Variants in IL1RAPL1 observed in about 807,000 individuals in gnomAD.
IL1RAPL1 encodes the protein interleukin 1 receptor accessory protein like 1.
In IL1RAPL1, 3 loss-of-function variants were observed where a neutral mutation model predicts 48.4. The ratio of observed to expected loss-of-function variants is 0.06; its 90% CI spans 0.03 to 0.16. The LOEUF is 0.16. Among genes scored for constraint, IL1RAPL1 ranks in the 10% least tolerant of loss-of-function variants. IL1RAPL1 has a pLI of 1.00. For missense variants in IL1RAPL1, 349 were observed against 530.6 expected (o/e 0.66, Z 3.36); for synonymous variants, 185 against 187.7 (o/e 0.99, Z 0.12).
At chrX:29,424,343 G>C (rs1453569964) in intron 5 of IL1RAPL1, among the ~76,000 whole-genome samples, 1 of 108,782 alleles carries the variant, frequency 9.2e-6, no homozygotes, top group African/African-American at 3.3e-5. Context: ...CAGATGTAGG[G>C]AAGTGGGATG....
At chrX:29,461,344 A>G (rs903343131) in intron 5 of IL1RAPL1, among the ~76,000 whole-genome samples, 1 of 112,008 alleles carries the variant, frequency 8.9e-6, no homozygotes. Flanking sequence ...ATGTAAATTG[A>G]TATAACCACT....
intron 6 of IL1RAPL1, among the ~76,000 whole-genome samples, chrX:29,692,727 T>C (rs1179694247): frequency 9.0e-6 from 1 of 111,607 alleles, no homozygotes; most frequent in Non-Finnish European, 1.9e-5. Flanking sequence ...TATTGTCTGT[T>C]TGGTTGCATG....
rs1216698358 is a variant in IL1RAPL1, at chrX:29,346,872, A to G, written c.363-49386A>G. On this transcript the variant is annotated intron_variant, in intron 3 of 10. Coordinates refer to ENST00000378993, the MANE Select transcript of IL1RAPL1 (RefSeq NM_014271.4). ...TATACACTTAATTGTCACATTTTTAATGAGAATAACAGCTTAAAATCAAGA... is the reference window on the plus strand; with the variant it reads ...TATACACTTAATTGTCACATTTTTAGTGAGAATAACAGCTTAAAATCAAGA... Among the ~76,000 whole-genome samples the G allele has an allele frequency of 2.7e-5, 3 of 112,248 alleles. No individual in the cohort carries two copies. The Admixed American group carries it at 2.8e-4, about 11-fold the overall frequency.
At chrX:28,774,603 G>T (rs768147344) in intron 1 of IL1RAPL1, among the ~76,000 whole-genome samples, 2 of 111,846 alleles carry the variant, frequency 1.8e-5, no homozygotes, top group Non-Finnish European at 3.8e-5. Flanking sequence ...GTGAGTAAAC[G>T]AGAAAATGTC....
At chrX:29,309,711 G>C (rs752726249) in intron 3 of IL1RAPL1, among the ~76,000 whole-genome samples, 1 of 109,882 alleles carries the variant, frequency 9.1e-6, no homozygotes, top group Admixed American at 9.7e-5. Context: ...CACTCGGGAG[G>C]CTTAGGCAGG....
At chrX:28,661,343 C>T (rs987176462) in intron 1 of IL1RAPL1, among the ~76,000 whole-genome samples, 10 of 111,521 alleles carry the variant, frequency 9.0e-5, no homozygotes, top group Non-Finnish European at 1.9e-4. Flanking sequence ...AAACGTCTAG[C>T]TAATCATATA....
intron 1 of IL1RAPL1, among the ~76,000 whole-genome samples, chrX:28,663,224 G>C (rs753065596): frequency 9.4e-6 from 1 of 106,459 alleles, no homozygotes; most frequent in South Asian, 3.9e-4. Context: ...CAGAATATTA[G>C]TTCCTCATAG....
chrX:29,074,894 G>C (rs1927637618), intron 2 of IL1RAPL1, among the ~76,000 whole-genome samples: 1 of 111,638 alleles, frequency 9.0e-6, no homozygotes, highest in South Asian at 3.7e-4. Flanking sequence ...CTCATTATTA[G>C]GTCTTAAACT....
intron 2 of IL1RAPL1, among the ~76,000 whole-genome samples, chrX:28,800,365 G>A (rs764167165): frequency 8.9e-6 from 1 of 111,956 alleles, no homozygotes; most frequent in African/African-American, 3.2e-5. Flanking sequence ...TATCTTTTGG[G>A]GGACCACTGT....
intron 1 of IL1RAPL1, among the ~76,000 whole-genome samples, chrX:28,714,108 C>T (rs1239116611): frequency 3.6e-5 from 4 of 111,836 alleles, no homozygotes; most frequent in South Asian, 3.7e-4. Context: ...TTTACAAATA[C>T]TTTACTAAGA....
intron 6 of IL1RAPL1, among the ~76,000 whole-genome samples, chrX:29,811,617 ACACT>A (rs1290516801): frequency 9.0e-6 from 1 of 111,114 alleles, no homozygotes; most frequent in Non-Finnish European, 1.9e-5. Flanking sequence ...AATCAAGTTG[ACACT>A]CAGTATTAAC....
At chrX:29,334,270 A>T (rs79468092) in intron 3 of IL1RAPL1, among the ~76,000 whole-genome samples, 1 of 39,619 alleles carries the variant, frequency 2.5e-5, no homozygotes, top group Non-Finnish European at 4.7e-5. Flanking sequence ...CCAGTAGGGG[A>T]GGCCGGGCAG....
intron 2 of IL1RAPL1, among the ~76,000 whole-genome samples, chrX:28,802,361 C>A (rs1936686255): frequency 8.9e-6 from 1 of 111,862 alleles, no homozygotes. Flanking sequence ...TGCAAGACAC[C>A]TTGCATGGGA....
At chrX:29,416,487 A>C (rs936286743) in intron 5 of IL1RAPL1, among the ~76,000 whole-genome samples, 13 of 111,125 alleles carry the variant, frequency 1.2e-4, no homozygotes, top group African/African-American at 4.3e-4. Flanking sequence ...CAGTGAGCCA[A>C]AATCGCGCCA....
chrX:28,803,985 T>A (rs980648415), intron 2 of IL1RAPL1, among the ~76,000 whole-genome samples: 3 of 112,560 alleles, frequency 2.7e-5, no homozygotes, highest in Non-Finnish European at 5.6e-5. Flanking sequence ...TTTATTAATT[T>A]GATCATTCTT....
chrX:29,576,942 G>A (rs887010998), intron 5 of IL1RAPL1, among the ~76,000 whole-genome samples: 1 of 111,211 alleles, frequency 9.0e-6, no homozygotes. Flanking sequence ...CAAGGGCAGT[G>A]CTTTAGTTTA....
At chrX:29,274,369 C>G (rs1030182973) in intron 2 of IL1RAPL1, among the ~76,000 whole-genome samples, 5 of 111,086 alleles carry the variant, frequency 4.5e-5, no homozygotes, top group African/African-American at 1.7e-4. Context: ...TAAAAATAGA[C>G]TTGGCATCAC....
At chrX:29,774,436 A>G (rs973100686) in intron 6 of IL1RAPL1, among the ~76,000 whole-genome samples, 1 of 111,741 alleles carries the variant, frequency 8.9e-6, no homozygotes, top group Admixed American at 9.6e-5. Flanking sequence ...ATTAATATAG[A>G]CTTGGATAAC....
At position 29,613,912 on chromosome X, in the gene IL1RAPL1, T is replaced by C. The variant is rs911983984; in HGVS notation, c.704-54518T>C. On this transcript the variant is annotated intron_variant, in intron 5 of 10. Coordinates refer to ENST00000378993, the MANE Select transcript of IL1RAPL1 (RefSeq NM_014271.4). ...CCGAGTAGCTGGGACTACAGGCGCC[T>C]GCCACCACGCCCGGCTAATTTTTTG... Among the ~76,000 whole-genome samples, 115 of 107,427 alleles carry C rather than the reference T, an allele frequency of 1.1e-3. 1 individual carries two copies. Among genetic ancestry groups the C allele is most frequent in the South Asian group, 2.5e-3 (6 of 2,378 alleles). 93.3% of individuals were successfully genotyped at this position (107,427 alleles called of 115,157 possible). A position where few individuals can be genotyped will look rare whatever the true frequency, so the allele number is the denominator to read the frequency against.
Sources: gnomAD v4.1 joint callset for allele counts (sites outside exome capture counted in the v4.1 genomes callset) on GRCh38, gnomAD v4.1.1 for gene constraint, MANE v1.5 for transcripts, NCBI Gene and HGNC (gene_info 2026-07-23, HGNC 2026-07-21) for gene names.